Variants in FIG4 observed in about 807,000 individuals in gnomAD.
FIG4 encodes the protein polyphosphoinositide phosphatase.
FIG4 carries 112 observed loss-of-function variants against 118.6 expected under a neutral mutation model. The observed-to-expected ratio is 0.94, with a 90% CI of 0.81 to 1.11. The LOEUF is 1.11. Among genes scored for constraint, FIG4 ranks in the 50% least tolerant of loss-of-function variants. FIG4 has a pLI of 0.00. For missense variants in FIG4, 969 were observed against 1,111.7 expected (o/e 0.87, Z 1.83); for synonymous variants, 369 against 381.2 (o/e 0.97, Z 0.37).
intron 14 of FIG4, among the ~76,000 whole-genome samples, 186 bp from the exon 15 acceptor site, chr6:109,766,543 T>C (rs1777284735): frequency 6.6e-6 from 1 of 152,228 alleles, no homozygotes; most frequent in Admixed American, 6.5e-5. Flanking sequence ...TCTATGGCTT[T>C]GGTGTTTACT....
At chr6:109,738,482 C>G (rs762861142) in intron 7 of FIG4, 29 bp downstream of exon 7, 1 of 1,585,428 alleles carries the variant, frequency 6.3e-7, no homozygotes, top group East Asian at 2.2e-5. Flanking sequence ...AAGTAAGATA[C>G]ATATTACTAA....
At chr6:109,742,455 G>A (rs1420229043) in intron 8 of FIG4, among the ~76,000 whole-genome samples, 1 of 152,070 alleles carries the variant, frequency 6.6e-6, no homozygotes, top group Non-Finnish European at 1.5e-5. Flanking sequence ...TTGGTAGACA[G>A]ATTGAGTGAG....
At chr6:109,803,802 T>C (rs959467180) in intron 22 of FIG4, among the ~76,000 whole-genome samples, 1 of 124,700 alleles carries the variant, frequency 8.0e-6, no homozygotes, top group African/African-American at 3.1e-5. Context: ...CAGTGTGTGA[T>C]GTTCCCCTTC....
chr6:109,766,413 G>A (rs1777280787), intron 14 of FIG4, among the ~76,000 whole-genome samples: 1 of 152,146 alleles, frequency 6.6e-6, no homozygotes, highest in Admixed American at 6.6e-5. Flanking sequence ...ATTCCGTTAT[G>A]GGAAGTGAAT....
At chr6:109,786,075 C>G (rs540214172) in intron 17 of FIG4, 1 of 544,006 alleles carries the variant, frequency 1.8e-6, no homozygotes, top group East Asian at 3.1e-5. Context: ...TGAGGCCCTC[C>G]TGGCTCCTTA....
chr6:109,721,465 T>C (rs771174374), intron 3 of FIG4, among the ~76,000 whole-genome samples: 1 of 152,188 alleles, frequency 6.6e-6, no homozygotes, highest in Non-Finnish European at 1.5e-5. Context: ...GCCACCAGAA[T>C]TGCATACTAC....
intron 18 of FIG4, among the ~76,000 whole-genome samples, chr6:109,788,558 C>A (rs1321146081): frequency 2.6e-5 from 4 of 152,170 alleles, no homozygotes; most frequent in African/African-American, 9.7e-5. Context: ...TCTGTACATG[C>A]ACATGTCTGC....
intron 1 of FIG4, among the ~76,000 whole-genome samples, chr6:109,707,108 A>T (rs3799848): frequency 0.028 from 4,212 of 152,014 alleles, 98 homozygotes; most frequent in East Asian, 0.11. Flanking sequence ...TTTCTACCTC[A>T]TTATAACTCA....
At chr6:109,701,947 C>A (rs75648067) in intron 1 of FIG4, among the ~76,000 whole-genome samples, 1,925 of 152,190 alleles carry the variant, frequency 0.013, 43 homozygotes, top group African/African-American at 0.044. Flanking sequence ...AGAGTAAAGC[C>A]CTGAAGGTCA....
At position 109,825,211 on chromosome 6, in the gene FIG4, A is replaced by G. The variant is rs772563105; in HGVS notation, c.2670A>G (p.Leu890=). Residue 890 remains leucine (L), a synonymous_variant, in exon 23 of 23, where the codon CTA becomes CTG. Transcript: ENST00000230124. ...CCAGCCAAGGTATCATGCAGCCCCT[A>G]GGAAAAGAGGACTCCTCCATGTACC... ...IQASQGIMQP[L]GKEDSSMYRE... is the part of the protein sequence containing the mutation. 2.5e-6 allele frequency: 4 copies of G among 1,614,122 alleles called. No individual in the cohort carries two copies. The highest frequency in any genetic ancestry group is 3.3e-4 in the Middle Eastern group (2 of 6,060).
intron 10 of FIG4, among the ~76,000 whole-genome samples, chr6:109,748,794 AC>A (rs1776588563): frequency 1.3e-5 from 2 of 151,958 alleles, no homozygotes; most frequent in African/African-American, 4.8e-5. Context: ...GAAAAGAGAA[AC>A]CCCTTATAAA....
At chr6:109,718,763 C>T (rs1006191830) in intron 3 of FIG4, among the ~76,000 whole-genome samples, 1 of 151,858 alleles carries the variant, frequency 6.6e-6, no homozygotes, top group Non-Finnish European at 1.5e-5. Context: ...TGCTTAAATG[C>T]CATAAATGCC....
intron 16 of FIG4, among the ~76,000 whole-genome samples, chr6:109,777,835 GGTAGA>G (rs1215974683): frequency 6.6e-6 from 1 of 152,172 alleles, no homozygotes; most frequent in Non-Finnish European, 1.5e-5. Flanking sequence ...CTCAGGATCA[GGTAGA>G]GTTGAGTTGG....
intron 22 of FIG4, among the ~76,000 whole-genome samples, chr6:109,820,031 T>A (rs927324093): frequency 2.6e-5 from 4 of 152,146 alleles, no homozygotes; most frequent in Admixed American, 1.3e-4. Flanking sequence ...GACATAGGTG[T>A]GCACAAGGCT....
rs189716777 is a variant in FIG4, at chr6:109,787,409, C to T, written c.2096+960C>T. Among the ~76,000 whole-genome samples, 141 of 152,148 alleles carry T rather than the reference C, an allele frequency of 9.3e-4. 3 individuals are homozygous for T. Among genetic ancestry groups the T allele is most frequent in the African/African-American group, 3.3e-3 (137 of 41,530 alleles). ...CAGTTTCAGATAGTTAGGAACAGTTCGAAATTCTTACTTGCTTGATTTTTC... is the reference window on the plus strand; with the variant it reads ...CAGTTTCAGATAGTTAGGAACAGTTTGAAATTCTTACTTGCTTGATTTTTC... On this transcript the variant is annotated intron_variant, in intron 18 of 22. Transcript: ENST00000230124.
At chr6:109,803,965 A>T (rs1040678781) in intron 22 of FIG4, among the ~76,000 whole-genome samples, 3 of 152,048 alleles carry the variant, frequency 2.0e-5, no homozygotes, top group African/African-American at 7.2e-5. Context: ...CTTTCTCTAA[A>T]CTAAAGGGGC....
rs7742066 is a variant in FIG4 at position 109,714,913 on chromosome 6, T to C, written c.67-165T>C. Among the ~76,000 whole-genome samples the C allele has an allele frequency of 0.087, 13,187 of 152,238 alleles. 938 individuals carry two copies. Among genetic ancestry groups the C allele is most frequent in the African/African-American group, 0.19 (7,734 of 41,510 alleles). On this transcript the variant is annotated intron_variant, in intron 1 of 22. Coordinates refer to ENST00000230124, the MANE Select transcript of FIG4 (RefSeq NM_014845.6). ...ATATTTTAATTTTAAAATTGACCTTTTGGAGTCAGCTTTTCTTTAATCTGC... is the reference window on the plus strand; with the variant it reads ...ATATTTTAATTTTAAAATTGACCTTCTGGAGTCAGCTTTTCTTTAATCTGC...
intron 1 of FIG4, among the ~76,000 whole-genome samples, chr6:109,704,989 G>A (rs1399772046): frequency 6.6e-6 from 1 of 152,114 alleles, no homozygotes; most frequent in African/African-American, 2.4e-5. Flanking sequence ...TATCAGGAGT[G>A]GGGGAGGGAG....
chr6:109,713,960 G>C (rs1273113312), intron 1 of FIG4, among the ~76,000 whole-genome samples: 2 of 152,138 alleles, frequency 1.3e-5, no homozygotes, highest in Non-Finnish European at 2.9e-5. Context: ...GCAGAGTTCA[G>C]GTCCGACAGT....
Sources: allele counts gnomAD v4.1 joint callset (sites outside exome capture counted in the v4.1 genomes callset), GRCh38; gene constraint gnomAD v4.1.1; transcripts MANE v1.5; gene names NCBI Gene and HGNC (gene_info 2026-07-23, HGNC 2026-07-21).